HPS5: variants seen among roughly 807,000 people sequenced by gnomAD.
HPS5 encodes BLOC-2 complex member HPS5.
Under a neutral mutation model 128.0 loss-of-function variants are expected in HPS5, and 83 were observed. That is an observed-to-expected ratio of 0.65 (90% CI 0.54 to 0.78). The LOEUF (loss-of-function observed/expected upper bound fraction) is 0.78, where lower values mean the gene tolerates loss of function less well. Among genes scored for constraint, HPS5 ranks in the 30% least tolerant of loss-of-function variants. The pLI is 0.00. For missense variants in HPS5, 1,281 were observed against 1,326.2 expected, an observed-to-expected ratio of 0.97 and a Z score of 0.53; for synonymous variants, 475 against 470.2, an observed-to-expected ratio of 1.01 and a Z score of -0.13.
chr11:18,300,834 C>A lies in HPS5; in HGVS notation c.979G>T (p.Val327Phe). 4 of 1,510,434 alleles carry A rather than the reference C, an allele frequency of 2.6e-6. No homozygotes were observed. The highest frequency in any genetic ancestry group is 3.7e-6 in the Non-Finnish European group (4 of 1,087,202). The allele number at this position is 1,510,434 out of a possible 1,614,324, so 93.6% of individuals were successfully genotyped here. The change falls in exon 9 of 23, where the codon GTC becomes TTC. Residue 327 changes from valine (V) to phenylalanine (F), a missense_variant. Physicochemically the swap from Val to Phe is conservative, Grantham distance 50. Coordinates refer to ENST00000349215, the MANE Select transcript of HPS5 (RefSeq NM_181507.2). ...CAAAGAAAAATATAATTACCTTTGACTTCACTCCAAAGAAGAACTTGAACA... is the reference window on the plus strand; with the variant it reads ...CAAAGAAAAATATAATTACCTTTGAATTCACTCCAAAGAAGAACTTGAACA... ...QNVQVLLWSE[V>F]KDIQDVAVCR...
chr11:18,314,551 A>G (rs1863391671), intron 2 of HPS5: 1 of 152,146 alleles, frequency 6.6e-6, no homozygotes, highest in African/African-American at 2.4e-5. Flanking sequence ...ATAAATAAAT[A>G]AATAAATAAA....
chr11:18,286,714 A>C lies in HPS5; in HGVS notation c.2718-4T>G, dbSNP rs1331408639. 1.2e-6 allele frequency: 2 copies of C among 1,613,960 alleles called. No homozygotes were observed. Among genetic ancestry groups the C allele is most frequent in the Non-Finnish European group, 1.7e-6 (2 of 1,179,956 alleles). ...AAGGGACTCAAGAAAAGATGACCTA[A>C]GAGAAAGTTGGGGAAAAAAGTCACC... is the stretch of plus-strand genomic sequence containing the variant. On this transcript the variant is annotated splice_region_variant and splice_polypyrimidine_tract_variant and intron_variant, in intron 18 of 22. Transcript: ENST00000349215.
chr11:18,283,864 C>T lies in HPS5; in HGVS notation c.2989G>A (p.Glu997Lys). ...PGYLILCLEL[E>K]RRREAFTNIV... ...TTGGTGAAGGCCTCTCTTCTTCTCT[C>T]CAGCTCCAAACAGAGAATTAGATAT... The change falls in exon 21 of 23, where the codon GAG becomes AAG. Residue 997 changes from glutamate (E) to lysine (K), a missense_variant. Coordinates refer to ENST00000349215, the MANE Select transcript of HPS5 (RefSeq NM_181507.2). The T allele has an allele frequency of 6.2e-7, 1 of 1,613,350 alleles. No homozygotes were observed. The highest frequency in any genetic ancestry group is 8.5e-7 in the Non-Finnish European group (1 of 1,179,626).
In HPS5 at chr11:18,297,804, G is replaced by A. The variant is rs548272452; in HGVS notation, c.1165-87C>T. 9.7e-5 allele frequency: 127 copies of A among 1,311,408 alleles called. No homozygotes were observed. The African/African-American group carries it at 1.6e-3, about 17-fold the overall frequency. 81.2% of individuals were successfully genotyped at this position (1,311,408 alleles called of 1,614,324 possible). A position where few individuals can be genotyped will look rare whatever the true frequency, so the allele number is the denominator to read the frequency against. ...ATATATTGAAAGAGGTCTAGGCCGG[G>A]CACGGTGGCTCACGCCTGTAATCCC... is the stretch of plus-strand genomic sequence containing the variant. On this transcript the variant is annotated intron_variant, in intron 10 of 22. Coordinates refer to ENST00000349215, the MANE Select transcript of HPS5 (RefSeq NM_181507.2).
intron 9 of HPS5, among the ~76,000 whole-genome samples, chr11:18,299,956 G>A (rs1383822360): frequency 6.6e-6 from 1 of 152,182 alleles, no homozygotes. Context: ...CAGAACAGAG[G>A]TGACTAGATT....
In HPS5 at chr11:18,291,603, T is replaced by C; in HGVS notation, c.2279A>G (p.His760Arg). Residue 760 changes from histidine to arginine, a missense_variant, in exon 16 of 23, where the codon CAT becomes CGT. Transcript: ENST00000349215. ...GTACTGTTGCAAAGTGTGGTCCACA[T>C]GTCCACTGGTGCTTTTGATCTTAGA... Reference protein sequence around the residue: ...LNSKIKSTSGHVDHTLQQYSP... With the variant: ...LNSKIKSTSGRVDHTLQQYSP... 3 of 1,614,044 alleles carry C rather than the reference T, an allele frequency of 1.9e-6. No individual in the cohort carries two copies. The highest frequency in any genetic ancestry group is 2.5e-6 in the Non-Finnish European group (3 of 1,179,898).
chr11:18,321,533 G>T (rs1474768717), intron 1 of HPS5, among the ~76,000 whole-genome samples: 1 of 152,228 alleles, frequency 6.6e-6, no homozygotes, highest in Non-Finnish European at 1.5e-5. Context: ...ATAAATGGTA[G>T]AGCTGAGATT....
At chr11:18,305,981 C>T (rs1862315406) in intron 7 of HPS5, among the ~76,000 whole-genome samples, 154 bp downstream of exon 7, 1 of 152,210 alleles carries the variant, frequency 6.6e-6, no homozygotes, top group Non-Finnish European at 1.5e-5. Flanking sequence ...ATCCGCCTGC[C>T]ACAGCCTCCC....
intron 18 of HPS5, 42 bp downstream of exon 18, chr11:18,287,493 G>A: frequency 6.2e-7 from 1 of 1,605,026 alleles, no homozygotes; most frequent in Non-Finnish European, 8.5e-7. Context: ...ACAATGCCCT[G>A]TCAAAAGAAA....
At chr11:18,288,327 T>C (rs532132518) in intron 16 of HPS5, among the ~76,000 whole-genome samples, 44 of 152,354 alleles carry the variant, frequency 2.9e-4, no homozygotes, top group African/African-American at 1.1e-3. Context: ...ATATAGCAAC[T>C]GTCCATATAA....
chr11:18,301,060 T>C, intron 8 of HPS5, 144 bp from the exon 9 acceptor site: 1 of 671,166 alleles, frequency 1.5e-6, no homozygotes, highest in Non-Finnish European at 2.7e-6. Flanking sequence ...AATCGAGTCC[T>C]AACAACTCCT....
At chr11:18,301,696 C>A (rs534432428) in intron 8 of HPS5, among the ~76,000 whole-genome samples, 1 of 152,192 alleles carries the variant, frequency 6.6e-6, no homozygotes, top group African/African-American at 2.4e-5. Flanking sequence ...GCTGACAACT[C>A]CTGCTCAACG....
At chr11:18,306,065 T>A in intron 7 of HPS5, 70 bp downstream of exon 7, 1 of 1,089,926 alleles carries the variant, frequency 9.2e-7, no homozygotes, top group Non-Finnish European at 1.4e-6. Flanking sequence ...AGATAGAATA[T>A]CAGAGATTTT....
chr11:18,294,917 T>G, intron 14 of HPS5, 103 bp downstream of exon 14: 19 of 1,214,210 alleles, frequency 1.6e-5, no homozygotes, highest in Non-Finnish European at 1.9e-5. Flanking sequence ...CTGGAACACA[T>G]GAGGCCCACG....
At chr11:18,303,601 T>C (rs906928272) in intron 8 of HPS5, among the ~76,000 whole-genome samples, 3 of 152,052 alleles carry the variant, frequency 2.0e-5, no homozygotes, top group Admixed American at 1.3e-4. Flanking sequence ...AACATATTCT[T>C]GGGTACTTTG....
chr11:18,318,753 A>G (rs1322356114), intron 1 of HPS5, among the ~76,000 whole-genome samples: 2 of 152,218 alleles, frequency 1.3e-5, no homozygotes, highest in Non-Finnish European at 2.9e-5. Context: ...AAAAGTCATG[A>G]ACTGTTTATA....
At chr11:18,295,736 C>A (rs929510008) in intron 13 of HPS5, among the ~76,000 whole-genome samples, 2 of 152,214 alleles carry the variant, frequency 1.3e-5, no homozygotes, top group Non-Finnish European at 1.5e-5. Context: ...TACGTGGAAA[C>A]TATTACCATC....
chr11:18,283,330 A>T (rs1406439833), intron 21 of HPS5, among the ~76,000 whole-genome samples: 2 of 130,446 alleles, frequency 1.5e-5, no homozygotes, highest in East Asian at 4.5e-4. Flanking sequence ...TGGGAAATTA[A>T]AAAAAAAAAA....
Position 18,310,741 on chromosome 11 carries a change from C to T in HPS5, c.477G>A (p.Lys159=), listed in dbSNP as rs1862877494. The T allele has an allele frequency of 6.2e-7, 1 of 1,611,512 alleles. No individual in the cohort carries two copies. Among genetic ancestry groups the T allele is most frequent in the African/African-American group, 1.3e-5 (1 of 74,878 alleles). Residue 159 remains lysine (K), a splice_region_variant and synonymous_variant, in exon 5 of 23, where the codon AAG becomes AAA. Transcript: ENST00000349215. ...AIKLNTSKQA[K]AAAAFVMFPV... is the part of the protein sequence containing the mutation. ...CACAAAGAATGGGACTGCTTCTCAC[C>T]TTTGCTTGTTTAGAAGTATTGAGTT... is the stretch of plus-strand genomic sequence containing the variant.
Sources: gnomAD v4.1 joint callset for allele counts (sites outside exome capture counted in the v4.1 genomes callset) on GRCh38, gnomAD v4.1.1 for gene constraint, MANE v1.5 for transcripts, NCBI Gene and HGNC (gene_info 2026-07-23, HGNC 2026-07-21) for gene names.